TRPM3: variants seen among roughly 807,000 people sequenced by gnomAD.
TRPM3 encodes transient receptor potential cation channel subfamily M member 3, also known as long transient receptor potential channel 3.
TRPM3 carries 77 observed loss-of-function variants against 181.2 expected under a neutral mutation model. The ratio of observed to expected loss-of-function variants is 0.42; its 90% confidence interval spans 0.35 to 0.51. The LOEUF is 0.51. Ranked by LOEUF, TRPM3 falls within the 20% of genes least tolerant of loss-of-function variation. The pLI, the probability that TRPM3 is intolerant of heterozygous loss-of-function variation, is 0.01. For synonymous variants in TRPM3, 745 were observed against 796.4 expected (o/e 0.94, Z 1.09); for missense variants, 1,759 against 2,196.7 (o/e 0.80, Z 3.98).
intron 1 of TRPM3, among the ~76,000 whole-genome samples, chr9:71,218,460 G>T (rs2080035512): frequency 6.6e-6 from 1 of 152,140 alleles, no homozygotes; most frequent in African/African-American, 2.4e-5. Context: ...ATCATAAACA[G>T]CAGTGTCAAG....
chr9:70,973,647 T>C (rs2097268139), intron 1 of TRPM3, among the ~76,000 whole-genome samples: 1 of 152,342 alleles, frequency 6.6e-6, no homozygotes, highest in East Asian at 1.9e-4. Flanking sequence ...TCAAATCAGC[T>C]ATTTACTCCA....
chr9:71,393,003 G>C (rs909989024), intron 1 of TRPM3, among the ~76,000 whole-genome samples: 1 of 152,102 alleles, frequency 6.6e-6, no homozygotes, highest in African/African-American at 2.4e-5. Context: ...TGGAGCAATA[G>C]GTATTAAAAG....
chr9:70,655,518 T>C (rs559507118), intron 9 of TRPM3, among the ~76,000 whole-genome samples: 3 of 152,228 alleles, frequency 2.0e-5, no homozygotes, highest in Non-Finnish European at 2.9e-5. Flanking sequence ...AACAGGTTTT[T>C]TGTTTGCAAG....
chr9:71,337,161 C>G (rs1208312737), intron 1 of TRPM3, among the ~76,000 whole-genome samples: 9 of 151,980 alleles, frequency 5.9e-5, no homozygotes, highest in Non-Finnish European at 1.2e-4. Flanking sequence ...TCAGAGTGAA[C>G]AGGCAACCTA....
intron 1 of TRPM3, among the ~76,000 whole-genome samples, chr9:71,279,405 T>C (rs148980311): frequency 6.6e-6 from 1 of 152,348 alleles, no homozygotes; most frequent in Non-Finnish European, 1.5e-5. Context: ...TATTTGTCCA[T>C]CTGGCAGTTT....
At chr9:71,376,987 A>G (rs1374388799) in intron 1 of TRPM3, among the ~76,000 whole-genome samples, 1 of 152,126 alleles carries the variant, frequency 6.6e-6, no homozygotes, top group Admixed American at 6.6e-5. Flanking sequence ...CATTGATACT[A>G]ATAGCCACCA....
chr9:71,210,373 T>C (rs1471157021), intron 1 of TRPM3, among the ~76,000 whole-genome samples: 1 of 152,146 alleles, frequency 6.6e-6, no homozygotes, highest in African/African-American at 2.4e-5. Flanking sequence ...TACAATGTTA[T>C]AATAAAAATA....
chr9:71,366,894 A>G (rs535825400), intron 1 of TRPM3, among the ~76,000 whole-genome samples: 20 of 152,306 alleles, frequency 1.3e-4, no homozygotes, highest in African/African-American at 4.8e-4. Context: ...AATCTTATAG[A>G]TAAGATTTCA....
rs2058076646 is a variant in TRPM3 at position 70,591,341 on chromosome 9, G to C, written c.3049-136C>G. On this transcript the variant is annotated intron_variant, in intron 21 of 25. Transcript: ENST00000677713. ...TGCTGGGAAGGGATGTTTAGACAGG[G>C]AGTTGTGTCCAGATAAGAAGATGCT... 6.5e-5 allele frequency: 45 copies of C among 693,640 alleles called. 1 individual carries two copies. In the South Asian group the frequency reaches 7.1e-4, roughly 11 times the overall value. The allele number at this position is 693,640 out of a possible 1,614,324, so 43.0% of individuals were successfully genotyped here.
At chr9:71,245,010 T>C (rs2081951480) in intron 1 of TRPM3, among the ~76,000 whole-genome samples, 1 of 152,078 alleles carries the variant, frequency 6.6e-6, no homozygotes, top group South Asian at 2.1e-4. Context: ...TTGGGGTTGC[T>C]CGAACAACAT....
chr9:71,329,727 G>T (rs2089977188), intron 1 of TRPM3, among the ~76,000 whole-genome samples: 1 of 151,944 alleles, frequency 6.6e-6, no homozygotes, highest in Non-Finnish European at 1.5e-5. Flanking sequence ...TATTCTTCCT[G>T]CATCCTTTAT....
At chr9:70,633,182 TTAAG>T (rs1467035694) in intron 12 of TRPM3, among the ~76,000 whole-genome samples, 1 of 152,152 alleles carries the variant, frequency 6.6e-6, no homozygotes, top group Non-Finnish European at 1.5e-5. Flanking sequence ...AGAGATTAAC[TTAAG>T]GTGAAGGAGA....
Position 71,282,334 on chromosome 9 carries a change from GAGAAAGAAAGAAA to G in TRPM3, c.183+164306_183+164318del, listed in dbSNP as rs1419176659. On this transcript the variant is annotated intron_variant, in intron 1 of 24. Transcript: ENST00000357533. ...AAGAAAGAAAGAAAGGAAAGAAAGA[GAGAAAGAAAGAAA>G]AGAAAGAAAGAAAAAGAAAGAATGA... is the stretch of plus-strand genomic sequence containing the variant. 1.6e-3 allele frequency among the ~76,000 whole-genome samples: 85 copies of G among 51,652 alleles called. 19 individuals carry two copies. Among genetic ancestry groups the G allele is most frequent in the African/African-American group, 6.9e-3 (57 of 8,316 alleles). 33.9% of individuals were successfully genotyped at this position (51,652 alleles called of 152,430 possible).
chr9:70,626,601 G>A (rs1389590108), intron 12 of TRPM3, among the ~76,000 whole-genome samples: 5 of 152,084 alleles, frequency 3.3e-5, no homozygotes, highest in African/African-American at 9.7e-5. Flanking sequence ...TCAATGTATC[G>A]GGGCCTCTGT....
chr9:70,559,370 T>C (rs1588394973), intron 22 of TRPM3, among the ~76,000 whole-genome samples: 2 of 152,138 alleles, frequency 1.3e-5, no homozygotes, highest in East Asian at 3.9e-4. Flanking sequence ...GACCTGTCAA[T>C]ATAGGGTGGC....
chr9:70,916,647 A>C (rs1392489620), intron 1 of TRPM3, among the ~76,000 whole-genome samples: 1 of 152,112 alleles, frequency 6.6e-6, no homozygotes, highest in East Asian at 1.9e-4. Context: ...AATATACTAT[A>C]TTATTTATTT....
intron 9 of TRPM3, among the ~76,000 whole-genome samples, chr9:70,673,806 G>A (rs944588408): frequency 2.0e-5 from 3 of 151,878 alleles, no homozygotes; most frequent in Admixed American, 6.6e-5. Context: ...AAAATTAGCT[G>A]GGCATGGTGG....
chr9:71,136,323 G>T (rs187882712), intron 1 of TRPM3, among the ~76,000 whole-genome samples: 456 of 152,304 alleles, frequency 3.0e-3, no homozygotes, highest in African/African-American at 0.01. Context: ...GGAAATGATG[G>T]AAGATTGCTA....
At chr9:71,240,695 A>C (rs943922259) in intron 1 of TRPM3, among the ~76,000 whole-genome samples, 1 of 152,214 alleles carries the variant, frequency 6.6e-6, no homozygotes, top group Non-Finnish European at 1.5e-5. Context: ...TAAGACTTTT[A>C]TAAAAATATT....
Sources: gnomAD v4.1 joint callset for allele counts (sites outside exome capture counted in the v4.1 genomes callset) on GRCh38, gnomAD v4.1.1 for gene constraint, MANE v1.5 for transcripts, NCBI Gene and HGNC (gene_info 2026-07-23, HGNC 2026-07-21) for gene names.